Variants in CTNNA2 observed in about 807,000 individuals in gnomAD.
CTNNA2 encodes catenin alpha-2.
A neutral mutation model predicts 101.0 loss-of-function variants in CTNNA2; 42 were observed. The ratio of observed to expected loss-of-function variants is 0.42; its 90% CI spans 0.32 to 0.54. The LOEUF is 0.54. CTNNA2 is among the 20% of genes least tolerant of loss of function. The pLI, the probability that CTNNA2 is intolerant of heterozygous loss-of-function variation, is 0.14. For missense variants in CTNNA2, 871 were observed against 1,223.1 expected, an observed-to-expected ratio of 0.71 and a Z score of 4.29; for synonymous variants, 450 against 456.4, an observed-to-expected ratio of 0.99 and a Z score of 0.18.
intron 7 of CTNNA2, among the ~76,000 whole-genome samples, chr2:80,068,746 C>T (rs1217762362): frequency 6.6e-6 from 1 of 152,124 alleles, no homozygotes; most frequent in Non-Finnish European, 1.5e-5. Context: ...CAGTTTGAAA[C>T]CCTTTCCTGG....
chr2:79,539,753 G>T (rs1399977258), intron 1 of CTNNA2, among the ~76,000 whole-genome samples: 1 of 152,056 alleles, frequency 6.6e-6, no homozygotes, highest in Non-Finnish European at 1.5e-5. Flanking sequence ...AGAACTATCT[G>T]TCCTTCCACT....
At chr2:80,401,677 T>C (rs1678560326) in intron 8 of CTNNA2, among the ~76,000 whole-genome samples, 1 of 152,068 alleles carries the variant, frequency 6.6e-6, no homozygotes, top group Non-Finnish European at 1.5e-5. Context: ...TATCTGAGGA[T>C]TTGTGAGGCC....
At chr2:80,185,441 GA>G (rs907616258) in intron 7 of CTNNA2, among the ~76,000 whole-genome samples, 1 of 152,134 alleles carries the variant, frequency 6.6e-6, no homozygotes, top group African/African-American at 2.4e-5. Flanking sequence ...CCACACTCAG[GA>G]AAAGGAATTG....
intron 3 of CTNNA2, among the ~76,000 whole-genome samples, chr2:79,758,765 A>G (rs1672571018): frequency 6.6e-6 from 1 of 152,184 alleles, no homozygotes; most frequent in African/African-American, 2.4e-5. Context: ...GTTGCTGCAA[A>G]GGACATAATT....
intron 3 of CTNNA2, among the ~76,000 whole-genome samples, chr2:79,821,400 G>A (rs1677990875): frequency 6.6e-6 from 1 of 151,974 alleles, no homozygotes; most frequent in Non-Finnish European, 1.5e-5. Flanking sequence ...GTAGAGACAT[G>A]GTCTAGCTAT....
chr2:80,616,528 T>A (rs928182717), intron 17 of CTNNA2: 8 of 151,706 alleles, frequency 5.3e-5, no homozygotes, highest in African/African-American at 1.9e-4. Flanking sequence ...AACTTTTTAT[T>A]AACCTCAAAG....
chr2:79,903,892 G>T (rs1299611226), intron 6 of CTNNA2, among the ~76,000 whole-genome samples: 2 of 152,184 alleles, frequency 1.3e-5, no homozygotes, highest in Non-Finnish European at 2.9e-5. Flanking sequence ...TGAGACTGCA[G>T]TAGAACTACA....
chr2:80,138,917 T>C (rs572415885), intron 7 of CTNNA2, among the ~76,000 whole-genome samples: 5 of 152,258 alleles, frequency 3.3e-5, no homozygotes, highest in Non-Finnish European at 7.4e-5. Context: ...TCTCCCTTTT[T>C]TGCTGTCGTA....
chr2:80,396,346 C>T (rs1399925778), intron 8 of CTNNA2, among the ~76,000 whole-genome samples: 2 of 152,210 alleles, frequency 1.3e-5, no homozygotes, highest in South Asian at 4.1e-4. Context: ...TGTTTAGAAT[C>T]AAAAATGGAT....
chr2:80,244,033 G>T (rs1051681124), intron 7 of CTNNA2, among the ~76,000 whole-genome samples: 1 of 152,126 alleles, frequency 6.6e-6, no homozygotes, highest in Non-Finnish European at 1.5e-5. Context: ...AAGAGTCAAG[G>T]TTTTGGCTGG....
intron 7 of CTNNA2, among the ~76,000 whole-genome samples, chr2:80,324,784 C>T (rs1390816477): frequency 6.6e-6 from 1 of 152,124 alleles, no homozygotes; most frequent in Non-Finnish European, 1.5e-5. Context: ...CAGACACACT[C>T]TTTCCTTTGA....
intron 3 of CTNNA2, among the ~76,000 whole-genome samples, chr2:79,344,173 G>A (rs762762165): frequency 9.9e-5 from 15 of 152,112 alleles, no homozygotes; most frequent in Non-Finnish European, 1.9e-4. Context: ...AAGGCACCCC[G>A]CTCTACACAG....
chr2:80,549,694 C>A (rs1692402462), intron 11 of CTNNA2, among the ~76,000 whole-genome samples: 1 of 152,076 alleles, frequency 6.6e-6, no homozygotes, highest in South Asian at 2.1e-4. Context: ...ACATTCCTCT[C>A]TCTCTTTACT....
intron 9 of CTNNA2, among the ~76,000 whole-genome samples, chr2:80,455,177 C>G (rs186672382): frequency 4.6e-5 from 7 of 152,298 alleles, no homozygotes; most frequent in Admixed American, 3.9e-4. Flanking sequence ...TATGAAGCAG[C>G]CTTTTTGTAC....
intron 7 of CTNNA2, among the ~76,000 whole-genome samples, chr2:79,998,856 C>T (rs761228885): frequency 3.3e-5 from 5 of 152,156 alleles, no homozygotes; most frequent in Non-Finnish European, 7.3e-5. Context: ...ACAGCAATTA[C>T]GAGCCTTCTG....
chr2:80,474,007 C>A (rs1685518257), intron 9 of CTNNA2, among the ~76,000 whole-genome samples: 1 of 152,188 alleles, frequency 6.6e-6, no homozygotes, highest in African/African-American at 2.4e-5. Context: ...AGCTTCAATG[C>A]AGGCACAGCT....
At position 80,118,563 on chromosome 2, in the gene CTNNA2, G is replaced by T. The variant is rs189489380; in HGVS notation, c.1056+208766G>T. Among the ~76,000 whole-genome samples, 355 of 152,326 alleles carry T rather than the reference G, an allele frequency of 2.3e-3. 3 individuals are homozygous for T. The highest frequency in any genetic ancestry group is 8.1e-3 in the African/African-American group (338 of 41,566). ...GGTTTCTTTTGGTAAAATGCAAGCTGTGTGAAATTCATGGAAAATGCAATT... is the reference window on the plus strand; with the variant it reads ...GGTTTCTTTTGGTAAAATGCAAGCTTTGTGAAATTCATGGAAAATGCAATT... On this transcript the variant is annotated intron_variant, in intron 7 of 18. Coordinates refer to ENST00000402739, the MANE Select transcript of CTNNA2 (RefSeq NM_001282597.3).
intron 3 of CTNNA2, among the ~76,000 whole-genome samples, chr2:79,770,299 T>A (rs1673481306): frequency 6.6e-6 from 1 of 152,230 alleles, no homozygotes; most frequent in Non-Finnish European, 1.5e-5. Context: ...CCTAACATTG[T>A]GCTATGTGTA....
chr2:79,449,041 T>C (rs1008866267), intron 4 of CTNNA2, among the ~76,000 whole-genome samples: 3 of 152,062 alleles, frequency 2.0e-5, no homozygotes, highest in Non-Finnish European at 2.9e-5. Flanking sequence ...TGCAGTCTAC[T>C]GAAGTTGGCC....
Sources: gnomAD v4.1 joint callset for allele counts (sites outside exome capture counted in the v4.1 genomes callset) on GRCh38, gnomAD v4.1.1 for gene constraint, MANE v1.5 for transcripts, NCBI Gene and HGNC (gene_info 2026-07-23, HGNC 2026-07-21) for gene names.